MDN1: variants seen among roughly 807,000 people sequenced by gnomAD.
MDN1 encodes midasin AAA ATPase 1, also known as midasin.
MDN1 carries 266 observed loss-of-function variants against 669.2 expected under a neutral mutation model. That is an observed-to-expected ratio of 0.40 (90% CI 0.36 to 0.44). The LOEUF is 0.44. Among genes scored for constraint, MDN1 ranks in the 20% least tolerant of loss-of-function variants. The pLI is 1.00. For synonymous variants in MDN1, 2,385 were observed against 2,457.1 expected (o/e 0.97, Z 0.87); for missense variants, 5,940 against 6,754.0 (o/e 0.88, Z 4.22).
chr6:89,726,474 G>GAAAAAAAAAA (rs1815242884), intron 37 of MDN1, among the ~76,000 whole-genome samples: 1 of 74,022 alleles, frequency 1.4e-5, no homozygotes, highest in African/African-American at 5.2e-5. Flanking sequence ...AAAAAAAAAA[G>GAAAAAAAAAA]AAAAATAGAA....
chr6:89,655,388 A>G (rs1334494263), intron 92 of MDN1, among the ~76,000 whole-genome samples: 1 of 152,204 alleles, frequency 6.6e-6, no homozygotes, highest in East Asian at 1.9e-4. Flanking sequence ...AATGTCCAGT[A>G]CTAAGAAACC....
intron 33 of MDN1, among the ~76,000 whole-genome samples, chr6:89,737,711 A>C (rs1027598414): frequency 2.1e-5 from 3 of 139,538 alleles, no homozygotes; most frequent in African/African-American, 8.0e-5. Context: ...ACAATGGTGC[A>C]ATCCCAGCCT....
At chr6:89,805,641 G>T (rs1047486767) in intron 1 of MDN1, among the ~76,000 whole-genome samples, 1 of 152,116 alleles carries the variant, frequency 6.6e-6, no homozygotes, top group Non-Finnish European at 1.5e-5. Context: ...AAAATTTAAC[G>T]AGTTTTGCCA....
chr6:89,808,650 T>C (rs1562241420), intron 1 of MDN1, among the ~76,000 whole-genome samples: 1 of 152,114 alleles, frequency 6.6e-6, no homozygotes, highest in Non-Finnish European at 1.5e-5. Context: ...ATATTCCAAC[T>C]ACCGCCCCAA....
At chr6:89,663,042 C>A in intron 85 of MDN1, 75 bp from the exon 86 acceptor site, 1 of 1,544,028 alleles carries the variant, frequency 6.5e-7, no homozygotes, top group Non-Finnish European at 8.9e-7. Flanking sequence ...AGGTGTGGAC[C>A]CGCTTCCCTA....
At position 89,664,467 on chromosome 6, in the gene MDN1, A is replaced by C. The variant is rs375464364; in HGVS notation, c.14236+20T>G. 1.3e-5 allele frequency: 21 copies of C among 1,611,170 alleles called. No individual in the cohort carries two copies. The African/African-American group carries it at 2.3e-4, about 17-fold the overall frequency. On this transcript the variant is annotated intron_variant, in intron 85 of 101. Coordinates refer to ENST00000369393, the MANE Select transcript of MDN1 (RefSeq NM_014611.3). ...TTTATGCTTTCAAAAACAAGAATGA[A>C]GTGACAGATAATCTGAAACCTTGTT...
At chr6:89,724,570 A>G (rs1477897178) in intron 38 of MDN1, among the ~76,000 whole-genome samples, 1 of 152,248 alleles carries the variant, frequency 6.6e-6, no homozygotes, top group African/African-American at 2.4e-5. Flanking sequence ...GGCATGATCC[A>G]CCATGCCCAG....
At chr6:89,796,334 A>AAC (rs1157401468) in intron 2 of MDN1, among the ~76,000 whole-genome samples, 3 of 111,472 alleles carry the variant, frequency 2.7e-5, no homozygotes, top group Non-Finnish European at 6.6e-5. Flanking sequence ...CAAAAAAAAA[A>AAC]AAAAAAAAAA....
At chr6:89,673,559 C>T in intron 79 of MDN1, 97 bp from the exon 80 acceptor site, 2 of 1,048,600 alleles carry the variant, frequency 1.9e-6, no homozygotes, top group South Asian at 2.9e-5. Flanking sequence ...CAAGGTAGAA[C>T]TCATCATAGC....
chr6:89,706,721 G>A (rs73492548), intron 52 of MDN1, among the ~76,000 whole-genome samples: 36 of 151,740 alleles, frequency 2.4e-4, no homozygotes, highest in Middle Eastern at 3.4e-3. Flanking sequence ...AATGTCTCAC[G>A]GAAAAATGCA....
intron 33 of MDN1, among the ~76,000 whole-genome samples, chr6:89,734,994 G>A (rs888041645): frequency 2.6e-5 from 4 of 151,558 alleles, no homozygotes; most frequent in African/African-American, 7.3e-5. Context: ...GGGTTCAAGC[G>A]ATTCTCCTGC....
chr6:89,799,678 C>T (rs1358182050), intron 2 of MDN1, among the ~76,000 whole-genome samples: 1 of 152,134 alleles, frequency 6.6e-6, no homozygotes, highest in East Asian at 1.9e-4. Context: ...AACGAAATTC[C>T]ATCTCCAAAG....
Position 89,718,454 on chromosome 6 carries a change from A to G in MDN1, c.6495T>C (p.Ala2165=). ...GTTTGTTGACAATCTCCATCGTGAT[A>G]GCTTTACCACCTTCTCCAAGACACT... ...KPKCLGEGGK[A]ITMEIVNKLE... Residue 2165 remains alanine, a synonymous_variant, in exon 43 of 102, where the codon GCT becomes GCC. Transcript: ENST00000369393. 3 of 1,614,148 alleles carry G rather than the reference A, an allele frequency of 1.9e-6. No homozygotes were observed. The highest frequency in any genetic ancestry group is 2.5e-6 in the Non-Finnish European group (3 of 1,180,016).
intron 27 of MDN1, 83 bp from the exon 28 acceptor site, chr6:89,745,709 A>ACAGAAAC (rs1816573592): frequency 7.1e-7 from 1 of 1,399,328 alleles, no homozygotes; most frequent in Non-Finnish European, 9.8e-7. Flanking sequence ...ATATGAAACA[A>ACAGAAAC]TAGAAACTCT....
intron 52 of MDN1, 134 bp downstream of exon 52, chr6:89,707,227 G>A: frequency 1.5e-6 from 1 of 645,914 alleles, no homozygotes; most frequent in Non-Finnish European, 2.7e-6. Context: ...TGAGTAAGGG[G>A]ACATGTTTAA....
chr6:89,713,325 C>CT, intron 46 of MDN1, 29 bp from the exon 47 acceptor site: 1 of 1,561,796 alleles, frequency 6.4e-7, no homozygotes. Context: ...CATCTATAAA[C>CT]AATAGAGTCT....
intron 27 of MDN1, 72 bp downstream of exon 27, chr6:89,747,257 C>T: frequency 1.3e-6 from 2 of 1,539,126 alleles, no homozygotes; most frequent in Non-Finnish European, 1.8e-6. Context: ...CAATTTGAGG[C>T]AAGATTTGTT....
chr6:89,730,981 T>C (rs897256853), intron 34 of MDN1, 58 bp from the exon 35 acceptor site: 1 of 1,475,016 alleles, frequency 6.8e-7, no homozygotes, highest in Non-Finnish European at 9.3e-7. Context: ...TTCACCACCA[T>C]TAAGCAGGAG....
At chr6:89,751,390 C>A in intron 23 of MDN1, 41 bp downstream of exon 23, 1 of 1,612,168 alleles carries the variant, frequency 6.2e-7, no homozygotes, top group Non-Finnish European at 8.5e-7. Context: ...AATGCCTATG[C>A]CTGTATCAAG....
Sources: gnomAD v4.1 joint callset for allele counts (sites outside exome capture counted in the v4.1 genomes callset) on GRCh38, gnomAD v4.1.1 for gene constraint, MANE v1.5 for transcripts, NCBI Gene and HGNC (gene_info 2026-07-23, HGNC 2026-07-21) for gene names.